OLFM1: variants seen among roughly 807,000 people sequenced by gnomAD.
OLFM1 encodes the protein olfactomedin 1.
A neutral mutation model predicts 49.7 loss-of-function variants in OLFM1; 9 were observed. That is an observed-to-expected ratio of 0.18 (90% CI 0.11 to 0.32). The LOEUF (loss-of-function observed/expected upper bound fraction) is 0.32, where lower values mean the gene tolerates loss of function less well. Among genes scored for constraint, OLFM1 ranks in the 10% least tolerant of loss-of-function variants. OLFM1 has a pLI of 1.00. For synonymous variants in OLFM1, 240 were observed against 271.8 expected, an observed-to-expected ratio of 0.88 and a Z score of 1.15; for missense variants, 369 against 661.8, an observed-to-expected ratio of 0.56 and a Z score of 4.85.
At chr9:135,086,307 A>G (rs2119094511), upstream of OLFM1, among the ~76,000 whole-genome samples, 1 of 152,354 alleles carries the variant, frequency 6.6e-6, no homozygotes. Context: ...TTACAGCATT[A>G]ATCAGAAAAG....
chr9:135,077,343 GCAC>G, intron 1 of OLFM1: 1 of 1,296,118 alleles, frequency 7.7e-7, no homozygotes, highest in Non-Finnish European at 1.0e-6. Flanking sequence ...AGCCTTAATG[GCAC>G]CCTGAAGCCT....
At chr9:135,109,413 A>G (rs1830991093) in intron 5 of OLFM1, among the ~76,000 whole-genome samples, 1 of 152,140 alleles carries the variant, frequency 6.6e-6, no homozygotes, top group African/African-American at 2.4e-5. Context: ...CCTCCAGGAA[A>G]AGAGGCTCTG....
intron 5 of OLFM1, among the ~76,000 whole-genome samples, chr9:135,118,403 G>T (rs113744581): frequency 0.18 from 20,855 of 118,332 alleles, 1,872 homozygotes; most frequent in African/African-American, 0.28. Flanking sequence ...TCTTTGGAGT[G>T]CTCGCTGTGT....
At chr9:135,087,513 C>G (rs1830614123), upstream of OLFM1, 1 of 1,387,248 alleles carries the variant, frequency 7.2e-7, no homozygotes. Context: ...CCTGGGCGGA[C>G]TGGAGTTTGC....
chr9:135,111,939 T>G (rs925039803), intron 5 of OLFM1, among the ~76,000 whole-genome samples: 9 of 152,134 alleles, frequency 5.9e-5, no homozygotes, highest in African/African-American at 1.7e-4. Flanking sequence ...ATGATCTCCA[T>G]CTCCTGACCT....
In OLFM1 at chr9:135,119,704, G is replaced by C. The variant is rs200625169; in HGVS notation, c.984G>C (p.Glu328Asp). ...TCATCAGGTTTGACCTGAAGACAGA[G>C]ACCATCCTCAAGACCCGCAGCCTGG... ...HIIIRFDLKT[E>D]TILKTRSLDY... The change falls in exon 6 of 6, where the codon GAG becomes GAC. Residue 328 changes from glutamate to aspartate, a missense_variant. Glu to Asp is a conservative substitution (Grantham distance 45). Coordinates refer to ENST00000371793, the MANE Select transcript of OLFM1 (RefSeq NM_001282611.2). 8 of 1,614,142 alleles carry C rather than the reference G, an allele frequency of 5.0e-6. No individual in the cohort carries two copies. Among genetic ancestry groups the C allele is most frequent in the Non-Finnish European group, 3.4e-6 (4 of 1,180,044 alleles).
chr9:135,109,890 G>A (rs114019218), intron 5 of OLFM1, among the ~76,000 whole-genome samples: 1,664 of 152,222 alleles, frequency 0.011, 24 homozygotes, highest in African/African-American at 0.035. Flanking sequence ...CAGGAGGGAC[G>A]GTCCTGAGCC....
chr9:135,077,150 GCACACA>G, intron 1 of OLFM1: 7 of 1,509,066 alleles, frequency 4.6e-6, no homozygotes, highest in Non-Finnish European at 6.3e-6. Context: ...TCATTCATGT[GCACACA>G]CACACACACA....
chr9:135,077,341 T>C, intron 1 of OLFM1: 1 of 1,324,864 alleles, frequency 7.5e-7, no homozygotes, highest in Non-Finnish European at 9.8e-7. Context: ...CAAGCCTTAA[T>C]GGCACCCTGA....
At chr9:135,075,836 AG>A (rs1830457011) in intron 1 of OLFM1, 1 of 1,565,010 alleles carries the variant, frequency 6.4e-7, no homozygotes. Context: ...CCTCCCTGCC[AG>A]GCGCCCGGCC....
intron 1 of OLFM1, chr9:135,076,002 C>T: frequency 7.0e-7 from 1 of 1,437,960 alleles, no homozygotes; most frequent in South Asian, 1.5e-5. Context: ...TGACCGGAGA[C>T]GGCGCTCCTC....
At chr9:135,087,260 G>C, upstream of OLFM1, 1 of 1,450,462 alleles carries the variant, frequency 6.9e-7, no homozygotes, top group Non-Finnish European at 9.1e-7. Flanking sequence ...TGGGACCCTC[G>C]AATCACCGCG....
intron 3 of OLFM1, chr9:135,097,908 C>T (rs1830821713): frequency 6.5e-7 from 1 of 1,542,398 alleles, no homozygotes; most frequent in African/African-American, 1.4e-5. Flanking sequence ...CAATACTTAG[C>T]ACCATTTCAC....
rs1588221840 is a variant in OLFM1, at chr9:135,114,069, C to T, written c.784-5435C>T. 2.7e-5 allele frequency among the ~76,000 whole-genome samples: 4 copies of T among 149,648 alleles called. No homozygotes were observed. In the Middle Eastern group the frequency reaches 0.01, roughly 384 times the overall value. ...CCCTCTTCTGTCTCTTATAAGGACA[C>T]TTGTCACTGGATTTAGGGCCCACCT... is the stretch of plus-strand genomic sequence containing the variant. On this transcript the variant is annotated intron_variant, in intron 5 of 5. Coordinates refer to ENST00000371793, the MANE Select transcript of OLFM1 (RefSeq NM_001282611.2).
intron 5 of OLFM1, 43 bp downstream of exon 5, chr9:135,106,898 C>A: frequency 6.8e-7 from 1 of 1,462,014 alleles, no homozygotes. Context: ...TGGGCAAGGG[C>A]GCTCTCGGAC....
In OLFM1 at chr9:135,113,409, C is replaced by G. The variant is rs1351080894; in HGVS notation, c.784-6095C>G. ...TCTAGCCTACCCAGAACCACCAAGC[C>G]CACTCGAGTCCCGGGCTAAGGACAT... On this transcript the variant is annotated intron_variant, in intron 5 of 5. Transcript: ENST00000371793. This position sits in a 1 kb window ranked among gnomAD's most constrained non-coding sequence, Gnocchi z 4.0. Among the ~76,000 whole-genome samples, 1 of 152,152 alleles carries G rather than the reference C, an allele frequency of 6.6e-6. No individual in the cohort carries two copies. Among genetic ancestry groups the G allele is most frequent in the Non-Finnish European group, 1.5e-5 (1 of 68,046 alleles).
At chr9:135,082,061 G>T (rs1205743100) in intron 1 of OLFM1, among the ~76,000 whole-genome samples, 1 of 152,230 alleles carries the variant, frequency 6.6e-6, no homozygotes, top group Non-Finnish European at 1.5e-5. Context: ...GGCTCCAGCT[G>T]GTGATGGCAG....
rs1423617082 is a variant in OLFM1, at chr9:135,117,365, C to G, written c.784-2139C>G. 6.6e-6 allele frequency among the ~76,000 whole-genome samples: 1 copy of G among 152,214 alleles called. No individual in the cohort carries two copies. Among genetic ancestry groups the G allele is most frequent in the Non-Finnish European group, 1.5e-5 (1 of 68,032 alleles). On this transcript the variant is annotated intron_variant, in intron 5 of 5. Transcript: ENST00000371793. The surrounding 1 kb of genome is among the most constrained non-coding windows in gnomAD (Gnocchi z 5.5). ...AGGGGTGACAATGAGTGATTACACTCACAGCATCCCAAATGCCAAATTAAT... is the reference window on the plus strand; with the variant it reads ...AGGGGTGACAATGAGTGATTACACTGACAGCATCCCAAATGCCAAATTAAT...
rs1279779765 is a variant in OLFM1, at chr9:135,098,113, T to C, written c.457-173T>C. On this transcript the variant is annotated intron_variant, in intron 3 of 5. Transcript: ENST00000371793. The surrounding 1 kb of genome is among the most constrained non-coding windows in gnomAD (Gnocchi z 5.6). ...TAAAGACCTTTCCCAAATATGCTGG[T>C]GTTCTGAGGACTGTTTAATATGCTC... 3 of 1,433,598 alleles carry C rather than the reference T, an allele frequency of 2.1e-6. No individual in the cohort carries two copies. Among genetic ancestry groups the C allele is most frequent in the African/African-American group, 2.9e-5 (2 of 69,656 alleles). 88.8% of individuals were successfully genotyped at this position (1,433,598 alleles called of 1,614,324 possible).
Sources: allele counts gnomAD v4.1 joint callset (sites outside exome capture counted in the v4.1 genomes callset), GRCh38; gene constraint gnomAD v4.1.1; non-coding constraint Gnocchi (gnomAD v3.1); transcripts MANE v1.5; gene names NCBI Gene and HGNC (gene_info 2026-07-23, HGNC 2026-07-21).